The following NCAPD3 variants were observed in gnomAD, a reference collection of about 807,000 sequenced individuals.
The protein encoded by NCAPD3 is non-SMC condensin II complex subunit D3, also known as condensin-2 complex subunit D3.
In NCAPD3, 105 loss-of-function variants were observed where a neutral mutation model predicts 182.9. The ratio of observed to expected loss-of-function variants is 0.57; its 90% CI spans 0.49 to 0.68. The LOEUF (loss-of-function observed/expected upper bound fraction) is 0.68. Among genes scored for constraint, NCAPD3 ranks in the 30% least tolerant of loss-of-function variants. The pLI, the probability that NCAPD3 is intolerant of heterozygous loss-of-function variation, is 0.00. For synonymous variants in NCAPD3, 815 were observed against 679.9 expected, an observed-to-expected ratio of 1.20 and a Z score of -3.09; for missense variants, 1,944 against 1,837.0, an observed-to-expected ratio of 1.06 and a Z score of -1.07.
intron 11 of NCAPD3, among the ~76,000 whole-genome samples, chr11:134,203,415 C>T (rs926012838): frequency 1.3e-5 from 2 of 152,136 alleles, no homozygotes; most frequent in Non-Finnish European, 2.9e-5. Flanking sequence ...GTAAAGGTAG[C>T]CACCAATGTC....
rs1565511870 is a variant in NCAPD3, at chr11:134,153,065, C to T, written c.4389-13G>A. 1.9e-6 allele frequency: 3 copies of T among 1,609,594 alleles called. No homozygotes were observed. The highest frequency in any genetic ancestry group is 1.1e-5 in the South Asian group (1 of 90,634). On this transcript the variant is annotated splice_polypyrimidine_tract_variant and intron_variant, in intron 34 of 34. Transcript: ENST00000534548. ...AGGCTGTGGGGGCCTAGGGAAAGGA[C>T]ATGTGCAGTCATTCTGGAACTCAGA...
rs1350194762 is a variant in NCAPD3 at position 134,168,111 on chromosome 11, T to G, written c.3458A>C (p.Glu1153Ala). ...SDTFEVLSSK[E>A]IKLLAMRSKP... ...AGATCTCATTGCCAAAAGCTTGATC[T>G]CCTTTGAGCTGAGGACCTCAAACGT... The change falls in exon 27 of 35, where the codon GAG (glutamate) becomes GCG (alanine). Residue 1153 changes from glutamate to alanine, a missense_variant. By Grantham distance (107) the Glu-to-Ala change is moderately radical. This residue lies in a region of NCAPD3 where 1,803 missense variants were observed against 1,674.6 expected (regional missense o/e 1.08). Coordinates refer to ENST00000534548, the MANE Select transcript of NCAPD3 (RefSeq NM_015261.3). 8 of 1,614,138 alleles carry G rather than the reference T, an allele frequency of 5.0e-6. No individual in the cohort carries two copies. The highest frequency in any genetic ancestry group is 5.9e-6 in the Non-Finnish European group (7 of 1,179,994).
chr11:134,186,423 G>C (rs1430901582), intron 16 of NCAPD3, among the ~76,000 whole-genome samples: 3 of 152,116 alleles, frequency 2.0e-5, no homozygotes, highest in African/African-American at 7.2e-5. Context: ...ATGTTGTCTA[G>C]ACTGGTCTTG....
chr11:134,167,660 ACACT>A (rs749481001), intron 27 of NCAPD3, among the ~76,000 whole-genome samples: 5 of 120,180 alleles, frequency 4.2e-5, no homozygotes, highest in African/African-American at 6.6e-5. Context: ...GGGGAGCAGC[ACACT>A]CACTTGTGAG....
intron 29 of NCAPD3, among the ~76,000 whole-genome samples, chr11:134,159,225 G>T (rs1943511977): frequency 6.6e-6 from 1 of 152,088 alleles, no homozygotes; most frequent in African/African-American, 2.4e-5. Flanking sequence ...TTAGTTTTTT[G>T]GAACCTCTAT....
intron 20 of NCAPD3, among the ~76,000 whole-genome samples, chr11:134,179,189 TTAA>T (rs1340292925): frequency 1.3e-5 from 2 of 152,224 alleles, no homozygotes; most frequent in African/African-American, 4.8e-5. Context: ...GGGGGTGCTA[TTAA>T]TAATTATTTT....
chr11:134,223,311 C>T (rs1295841640), intron 1 of NCAPD3: 18 of 656,890 alleles, frequency 2.7e-5, no homozygotes, highest in Non-Finnish European at 1.1e-5. Flanking sequence ...TGGAGCGGGG[C>T]TGCCCTGAGA....
intron 13 of NCAPD3, among the ~76,000 whole-genome samples, chr11:134,202,191 G>A (rs1184942515): frequency 6.6e-6 from 1 of 152,142 alleles, no homozygotes; most frequent in Non-Finnish European, 1.5e-5. Context: ...CTACGTACAT[G>A]CTCTTTCTCT....
intron 32 of NCAPD3, among the ~76,000 whole-genome samples, chr11:134,154,477 A>ACCCCCCCCCCCCCCCCCCCCCCCCCCC (rs376790927): frequency 1.3e-5 from 1 of 75,606 alleles, no homozygotes; most frequent in African/African-American, 6.0e-5. Flanking sequence ...GCTTCTCTGC[A>ACCCCCCCCCCCCCCCCCCCCCCCCCCC]CCCCCCCCCC....
intron 31 of NCAPD3, 140 bp from the exon 32 acceptor site, chr11:134,157,235 AG>A: frequency 1.7e-6 from 1 of 584,456 alleles, no homozygotes; most frequent in Non-Finnish European, 3.0e-6. Context: ...GAGGCAATTC[AG>A]GAAGAAATAC....
rs1944227104 is a variant in NCAPD3, at chr11:134,178,739, G to C, written c.2677C>G (p.Pro893Ala). The change falls in exon 22 of 35, where the codon CCA (proline) becomes GCA (alanine). Residue 893 changes from proline to alanine, a missense_variant and splice_region_variant. Pro to Ala is a conservative substitution (Grantham distance 27). Coordinates refer to ENST00000534548, the MANE Select transcript of NCAPD3 (RefSeq NM_015261.3). ...GCCTCACTGCTGCCTTGAGATGATG[G>C]TGCTGCAAAGAAGGGAGAGAAAGTT... ...LASSADADHS[P>A]SSQGSSEAPA... 6.2e-7 allele frequency: 1 copy of C among 1,608,616 alleles called. No individual in the cohort carries two copies. Among genetic ancestry groups the C allele is most frequent in the Admixed American group, 1.7e-5 (1 of 59,828 alleles).
rs988414864 is a variant in NCAPD3 at position 134,190,231 on chromosome 11, A to G, written c.2045+2458T>C. Among the ~76,000 whole-genome samples, 3 of 152,182 alleles carry G rather than the reference A, an allele frequency of 2.0e-5. No homozygotes were observed. The East Asian group carries it at 5.8e-4, about 29-fold the overall frequency. ...GCAGTGTTAACTCGAGTTTAATGCC[A>G]ATCAGCATCTCTAATCTCCTCCTAT... On this transcript the variant is annotated intron_variant, in intron 16 of 34. Transcript: ENST00000534548.
chr11:134,158,466 AACTGGC>A lies in NCAPD3; in HGVS notation c.3891_3896del (p.Val1299_Pro1300del). 1 of 1,614,100 alleles carries A rather than the reference AACTGGC, an allele frequency of 6.2e-7. No individual in the cohort carries two copies. The highest frequency in any genetic ancestry group is 8.5e-7 in the Non-Finnish European group (1 of 1,180,032). On this transcript the variant is annotated inframe_deletion, in exon 30 of 35. Transcript: ENST00000534548. ...TGGCAGGGTTTTCTTGGCCAGCAGG[AACTGGC>A]ACTGTTTCTAAACACAGGGCAACCT... is the stretch of plus-strand genomic sequence containing the variant.
intron 29 of NCAPD3, among the ~76,000 whole-genome samples, chr11:134,158,760 G>T (rs761443497): frequency 6.6e-6 from 1 of 152,048 alleles, no homozygotes; most frequent in African/African-American, 2.4e-5. Context: ...CTGAATACTA[G>T]AACTTATTTC....
chr11:134,217,336 A>C (rs1458887686), intron 2 of NCAPD3, among the ~76,000 whole-genome samples: 4 of 152,236 alleles, frequency 2.6e-5, no homozygotes, highest in South Asian at 2.1e-4. Context: ...TTAAACTTTC[A>C]AAAGAATTTT....
chr11:134,182,021 T>G (rs1212976505), intron 19 of NCAPD3, among the ~76,000 whole-genome samples: 2 of 152,232 alleles, frequency 1.3e-5, no homozygotes, highest in African/African-American at 4.8e-5. Flanking sequence ...TGGAAACTAT[T>G]GGCTTTATTA....
chr11:134,187,241 G>A (rs1021474628), intron 16 of NCAPD3, among the ~76,000 whole-genome samples: 11 of 152,244 alleles, frequency 7.2e-5, no homozygotes, highest in African/African-American at 2.6e-4. Flanking sequence ...CTACTCTTGC[G>A]CTGAGACTCT....
At chr11:134,198,027 C>A (rs752737368) in intron 13 of NCAPD3, among the ~76,000 whole-genome samples, 4 of 152,146 alleles carry the variant, frequency 2.6e-5, no homozygotes, top group Non-Finnish European at 5.9e-5. Context: ...AGACTGTAAA[C>A]CAAAAATAAA....
intron 30 of NCAPD3, 30 bp from the exon 31 acceptor site, chr11:134,158,097 T>C (rs1943475338): frequency 1.2e-6 from 2 of 1,606,760 alleles, no homozygotes; most frequent in Admixed American, 1.7e-5. Flanking sequence ...CCGCTGACTT[T>C]CTCACTGCAG....
Sources: allele counts gnomAD v4.1 joint callset (sites outside exome capture counted in the v4.1 genomes callset), GRCh38; gene constraint gnomAD v4.1.1; regional missense constraint gnomAD v4.1.1; transcripts MANE v1.5; gene names NCBI Gene and HGNC (gene_info 2026-07-23, HGNC 2026-07-21).